The following SCN8A variants were observed in gnomAD, a reference collection of about 807,000 sequenced individuals.
SCN8A encodes sodium voltage-gated channel alpha subunit 8.
In SCN8A, 30 loss-of-function variants were observed where a neutral mutation model predicts 184.1. That is an observed-to-expected ratio of 0.16 (90% CI 0.12 to 0.22). The LOEUF is 0.22. SCN8A is among the 10% of genes least tolerant of loss of function. The pLI is 1.00. For missense variants in SCN8A, 1,057 were observed against 2,498.9 expected (o/e 0.42, Z 12.30); for synonymous variants, 852 against 907.0 (o/e 0.94, Z 1.09).
intron 1 of SCN8A, among the ~76,000 whole-genome samples, chr12:51,658,841 A>T (rs2138665270): frequency 6.6e-6 from 1 of 152,286 alleles, no homozygotes; most frequent in South Asian, 2.1e-4. Flanking sequence ...ATGCTGCTAT[A>T]CCCACCAGAG....
chr12:51,706,316 T>A, intron 10 of SCN8A, 106 bp from the exon 11 acceptor site: 2 of 1,135,962 alleles, frequency 1.8e-6, no homozygotes, highest in South Asian at 4.8e-5. Flanking sequence ...CCTCCTTTTT[T>A]CCTCCTTTCC....
At chr12:51,644,674 G>C (rs1940526230) in intron 1 of SCN8A, among the ~76,000 whole-genome samples, 2 of 152,100 alleles carry the variant, frequency 1.3e-5, no homozygotes. Context: ...GGGAAGTGAG[G>C]AGCGTCTCCG....
chr12:51,707,950 G>C (rs1941812220), intron 11 of SCN8A, among the ~76,000 whole-genome samples: 1 of 152,058 alleles, frequency 6.6e-6, no homozygotes, highest in South Asian at 2.1e-4. Context: ...TCTCCTCTGG[G>C]AGGAAGTGTT....
intron 13 of SCN8A, among the ~76,000 whole-genome samples, chr12:51,748,977 C>G (rs970812954): frequency 5.3e-5 from 8 of 152,118 alleles, no homozygotes; most frequent in Admixed American, 6.5e-5. Flanking sequence ...AGGTTAAGAC[C>G]CAAAGTAACC....
chr12:51,677,175 C>G (rs879768178), intron 2 of SCN8A, among the ~76,000 whole-genome samples: 19 of 151,816 alleles, frequency 1.3e-4, no homozygotes, highest in Non-Finnish European at 2.2e-4. Flanking sequence ...TTTCAACCTC[C>G]TAGGCTCAAA....
intron 1 of SCN8A, among the ~76,000 whole-genome samples, chr12:51,620,540 T>A (rs1939937471): frequency 6.6e-6 from 1 of 152,116 alleles, no homozygotes; most frequent in Non-Finnish European, 1.5e-5. Context: ...TGTAAAGAAA[T>A]GCAATGCAGT....
At chr12:51,653,316 C>T (rs1940756736) in intron 1 of SCN8A, among the ~76,000 whole-genome samples, 1 of 152,152 alleles carries the variant, frequency 6.6e-6, no homozygotes, top group South Asian at 2.1e-4. Flanking sequence ...AACTCTGTAC[C>T]AACTAAATAG....
intron 14 of SCN8A, among the ~76,000 whole-genome samples, chr12:51,754,861 C>G (rs1942650117): frequency 6.6e-6 from 1 of 152,176 alleles, no homozygotes; most frequent in Non-Finnish European, 1.5e-5. Flanking sequence ...CACGTTGTAT[C>G]TACCAGTTGG....
At chr12:51,666,751 A>G (rs1394189424) in intron 2 of SCN8A, among the ~76,000 whole-genome samples, 33 of 151,990 alleles carry the variant, frequency 2.2e-4, no homozygotes, top group Admixed American at 2.2e-3. Flanking sequence ...CTATTAGTGA[A>G]GTTCTGGTTT....
At chr12:51,605,114 G>A (rs1189798637) in intron 1 of SCN8A, among the ~76,000 whole-genome samples, 7 of 150,292 alleles carry the variant, frequency 4.7e-5, no homozygotes, top group Non-Finnish European at 8.8e-5. Flanking sequence ...TATTGTCATA[G>A]CTTTCTTTTC....
chr12:51,728,585 A>G (rs1942190452), intron 12 of SCN8A, among the ~76,000 whole-genome samples: 1 of 152,072 alleles, frequency 6.6e-6, no homozygotes, highest in South Asian at 2.1e-4. Context: ...AAATTAAAAA[A>G]TTAGCTGGGT....
chr12:51,773,157 A>G (rs189067757), intron 19 of SCN8A, among the ~76,000 whole-genome samples: 83 of 151,534 alleles, frequency 5.5e-4, no homozygotes, highest in East Asian at 4.1e-3. Flanking sequence ...CCTGATATCC[A>G]TGTGCCTCCA....
intron 11 of SCN8A, among the ~76,000 whole-genome samples, chr12:51,716,811 C>T (rs547839143): frequency 2.0e-5 from 3 of 152,156 alleles, no homozygotes; most frequent in South Asian, 2.1e-4. Flanking sequence ...TTCTATGTTA[C>T]GCTTGCCTTC....
chr12:51,692,943 C>T (rs1298562302), intron 6 of SCN8A, among the ~76,000 whole-genome samples: 3 of 152,356 alleles, frequency 2.0e-5, no homozygotes, highest in Admixed American at 1.3e-4. Context: ...TTATCTGCTG[C>T]TCATTAGCAC....
chr12:51,670,620 C>T (rs938357997), intron 2 of SCN8A, among the ~76,000 whole-genome samples: 5 of 151,916 alleles, frequency 3.3e-5, no homozygotes, highest in African/African-American at 1.2e-4. Flanking sequence ...AGTAAGGATA[C>T]GTGATGATAG....
intron 6 of SCN8A, among the ~76,000 whole-genome samples, chr12:51,694,482 C>T (rs930450591): frequency 1.3e-5 from 2 of 152,198 alleles, no homozygotes; most frequent in Admixed American, 1.3e-4. Flanking sequence ...TACATTGAAT[C>T]CAGCTGTCTT....
chr12:51,780,922 C>A (rs1937898277), intron 21 of SCN8A, among the ~76,000 whole-genome samples, 151 bp downstream of exon 21: 1 of 152,118 alleles, frequency 6.6e-6, no homozygotes, highest in African/African-American at 2.4e-5. Context: ...CACACCTGCC[C>A]CGTGCAAAGG....
chr12:51,715,657 CAAAAAAAAAAA>C (rs71092719), intron 11 of SCN8A, among the ~76,000 whole-genome samples: 1 of 71,832 alleles, frequency 1.4e-5, no homozygotes, highest in African/African-American at 5.3e-5. Context: ...GTCTCTGTCT[CAAAAAAAAAAA>C]AAAAAAAAAA....
At chr12:51,723,639 G>C (rs922813573) in intron 12 of SCN8A, among the ~76,000 whole-genome samples, 1 of 152,182 alleles carries the variant, frequency 6.6e-6, no homozygotes, top group African/African-American at 2.4e-5. Context: ...ACCTTGGGAG[G>C]CCAAGGCAGG....
Sources: allele counts gnomAD v4.1 joint callset (sites outside exome capture counted in the v4.1 genomes callset), GRCh38; gene constraint gnomAD v4.1.1; transcripts MANE v1.5; gene names NCBI Gene and HGNC (gene_info 2026-07-23, HGNC 2026-07-21).